Variants in DLG2 observed in about 807,000 individuals in gnomAD.
The protein encoded by DLG2 is discs large MAGUK scaffold protein 2.
In DLG2, 45 loss-of-function variants were observed where a neutral mutation model predicts 132.5. The observed-to-expected ratio is 0.34, with a 90% confidence interval of 0.27 to 0.44. The LOEUF is 0.44. Among genes scored for constraint, DLG2 ranks in the 20% least tolerant of loss-of-function variants. The pLI is 1.00. For missense variants in DLG2, 1,045 were observed against 1,196.9 expected, an observed-to-expected ratio of 0.87 and a Z score of 1.87; for synonymous variants, 424 against 419.6, an observed-to-expected ratio of 1.01 and a Z score of -0.13.
At chr11:84,623,191 T>C (rs930557479) in intron 6 of DLG2, among the ~76,000 whole-genome samples, 2 of 152,190 alleles carry the variant, frequency 1.3e-5, no homozygotes, top group East Asian at 3.9e-4. Flanking sequence ...AACTTCATCC[T>C]GAGTTTTCCT....
chr11:84,352,497 G>T (rs894848975), intron 7 of DLG2, among the ~76,000 whole-genome samples: 7 of 152,154 alleles, frequency 4.6e-5, no homozygotes, highest in Non-Finnish European at 7.3e-5. Flanking sequence ...AACTTGGCTA[G>T]GCTGAACTAC....
At chr11:85,323,264 C>T (rs186657922) in intron 3 of DLG2, among the ~76,000 whole-genome samples, 375 of 152,320 alleles carry the variant, frequency 2.5e-3, no homozygotes, top group Non-Finnish European at 4.1e-3. Context: ...AATATCAACT[C>T]CAAAGGATCT....
intron 8 of DLG2, among the ~76,000 whole-genome samples, chr11:84,224,185 GC>G (rs1186058498): frequency 1.3e-5 from 2 of 152,320 alleles, no homozygotes; most frequent in African/African-American, 4.8e-5. Flanking sequence ...TCTGACCTAT[GC>G]TAGAAGAAGT....
chr11:83,669,740 T>A (rs999508931), intron 18 of DLG2, among the ~76,000 whole-genome samples: 1 of 152,008 alleles, frequency 6.6e-6, no homozygotes, highest in Non-Finnish European at 1.5e-5. Flanking sequence ...AAGGAAAAAA[T>A]TTAAGACAAA....
At chr11:84,384,621 G>A (rs1437031233) in intron 7 of DLG2, among the ~76,000 whole-genome samples, 7 of 151,816 alleles carry the variant, frequency 4.6e-5, no homozygotes, top group Admixed American at 3.9e-4. Context: ...ATTATTTTGT[G>A]GCAGGCTAAT....
At chr11:85,385,743 A>C (rs1343275560) in intron 3 of DLG2, among the ~76,000 whole-genome samples, 1 of 152,216 alleles carries the variant, frequency 6.6e-6, no homozygotes, top group Non-Finnish European at 1.5e-5. Flanking sequence ...GGGATTTTTG[A>C]ATGATGCAAG....
At chr11:85,288,480 A>T (rs1008114101) in intron 3 of DLG2, among the ~76,000 whole-genome samples, 1 of 152,058 alleles carries the variant, frequency 6.6e-6, no homozygotes, top group African/African-American at 2.4e-5. Flanking sequence ...ATATGTTTGC[A>T]TCATCTTGCC....
chr11:83,494,044 G>C (rs1378327366), intron 21 of DLG2, among the ~76,000 whole-genome samples: 1 of 151,962 alleles, frequency 6.6e-6, no homozygotes, highest in Non-Finnish European at 1.5e-5. Flanking sequence ...ATAAATCCTT[G>C]TCTGGTTTTA....
rs1484542688 is a variant in DLG2, at chr11:84,543,392, G to A, written c.358-8661C>T. On this transcript the variant is annotated intron_variant, in intron 6 of 27. Coordinates refer to ENST00000376104, the MANE Select transcript of DLG2 (RefSeq NM_001142699.3). ...AGTTCTCTCCCTGCCTCTGCACACC[G>A]CACACTGCTCCCTGCTTCATAGGCT... 3.3e-5 allele frequency among the ~76,000 whole-genome samples: 5 copies of A among 152,076 alleles called. 1 individual carries two copies. Among genetic ancestry groups the A allele is most frequent in the East Asian group, 3.9e-4 (2 of 5,178 alleles).
In DLG2 at chr11:84,608,464, A is replaced by G. The variant is rs375413937; in HGVS notation, c.358-73733T>C. On this transcript the variant is annotated intron_variant, in intron 6 of 27. Transcript: ENST00000376104. Reference sequence around the variant, plus strand: ...CTCATGAAATTCACAACGTGCTAAGATTCGGTGAGAAACACTTCATATCAA... The same window carrying G: ...CTCATGAAATTCACAACGTGCTAAGGTTCGGTGAGAAACACTTCATATCAA... 2.5e-4 allele frequency among the ~76,000 whole-genome samples: 38 copies of G among 152,298 alleles called. No homozygotes were observed. The South Asian group carries it at 4.8e-3, about 19-fold the overall frequency.
At chr11:85,245,880 G>A (rs748334212) in intron 4 of DLG2, among the ~76,000 whole-genome samples, 1 of 151,704 alleles carries the variant, frequency 6.6e-6, no homozygotes, top group Non-Finnish European at 1.5e-5. Context: ...TAGATTAGTT[G>A]TTCTCTCTGC....
intron 7 of DLG2, among the ~76,000 whole-genome samples, chr11:84,337,704 T>C (rs2098493750): frequency 6.6e-6 from 1 of 152,192 alleles, no homozygotes; most frequent in Admixed American, 6.5e-5. Context: ...ACATATTCCT[T>C]GTATCTTCTT....
chr11:85,430,562 T>C lies in DLG2; in HGVS notation c.41-145197A>G, dbSNP rs79925534. Among the ~76,000 whole-genome samples the C allele has an allele frequency of 1.7e-4, 26 of 152,244 alleles. No individual in the cohort carries two copies. The East Asian group carries it at 4.0e-3, about 24-fold the overall frequency. ...TAACAAAATGGAGATATTAATGATA[T>C]CTTATGAGCTAAAATGTGAGAAGTA... On this transcript the variant is annotated intron_variant, in intron 3 of 27. Coordinates refer to ENST00000376104, the MANE Select transcript of DLG2 (RefSeq NM_001142699.3).
At position 85,272,821 on chromosome 11, in the gene DLG2, G is replaced by C. The variant is rs148627034; in HGVS notation, c.186+12399C>G. Among the ~76,000 whole-genome samples, 988 of 152,144 alleles carry C rather than the reference G, an allele frequency of 6.5e-3. 11 individuals are homozygous for C. The highest frequency in any genetic ancestry group is 0.022 in the African/African-American group (927 of 41,468). Reference sequence around the variant, plus strand: ...GACAATACTAAGCAAAAAGAACAAAGTTGGAGGCATCAAGCTACCTGACTT... The same window carrying C: ...GACAATACTAAGCAAAAAGAACAAACTTGGAGGCATCAAGCTACCTGACTT... On this transcript the variant is annotated intron_variant, in intron 4 of 27. Transcript: ENST00000376104.
At chr11:83,897,158 A>G (rs2071977764) in intron 15 of DLG2, among the ~76,000 whole-genome samples, 1 of 152,314 alleles carries the variant, frequency 6.6e-6, no homozygotes, top group South Asian at 2.1e-4. Context: ...GCAGAGAGCC[A>G]CTGCTAGCCA....
intron 3 of DLG2, among the ~76,000 whole-genome samples, chr11:85,482,679 G>C (rs2093326446): frequency 6.6e-6 from 1 of 151,972 alleles, no homozygotes; most frequent in Non-Finnish European, 1.5e-5. Flanking sequence ...TATCAGGCAA[G>C]TACTTGTGAT....
chr11:83,528,818 T>C (rs1242653675), intron 21 of DLG2, among the ~76,000 whole-genome samples: 2 of 152,172 alleles, frequency 1.3e-5, no homozygotes, highest in African/African-American at 4.8e-5. Flanking sequence ...ATTGTTTGCC[T>C]GCTTATATTT....
intron 3 of DLG2, among the ~76,000 whole-genome samples, chr11:85,522,262 G>T (rs764891436): frequency 3.7e-4 from 56 of 152,154 alleles, no homozygotes; most frequent in Non-Finnish European, 6.0e-4. Context: ...ACACAGTATT[G>T]GTTCTGTGGG....
At chr11:84,852,304 C>A (rs2082256105) in intron 6 of DLG2, among the ~76,000 whole-genome samples, 1 of 151,964 alleles carries the variant, frequency 6.6e-6, no homozygotes, top group East Asian at 1.9e-4. Flanking sequence ...GGAAAGTGCA[C>A]CAGATGATAT....
Sources: gnomAD v4.1 joint callset for allele counts (sites outside exome capture counted in the v4.1 genomes callset) on GRCh38, gnomAD v4.1.1 for gene constraint, MANE v1.5 for transcripts, NCBI Gene and HGNC (gene_info 2026-07-23, HGNC 2026-07-21) for gene names.